Variants in AIG1 observed in about 807,000 individuals in gnomAD.
AIG1 encodes the protein androgen-induced gene 1 protein.
Under a neutral mutation model 31.4 loss-of-function variants are expected in AIG1, and 23 were observed. That is an observed-to-expected ratio of 0.73 (90% confidence interval 0.53 to 1.04). The LOEUF (loss-of-function observed/expected upper bound fraction) is 1.04, where lower values mean the gene tolerates loss of function less well. Ranked by LOEUF, AIG1 falls within the 50% of genes least tolerant of loss-of-function variation. AIG1 has a pLI of 0.00. For synonymous variants in AIG1, 100 were observed against 110.5 expected, an observed-to-expected ratio of 0.90 and a Z score of 0.60; for missense variants, 274 against 295.0, an observed-to-expected ratio of 0.93 and a Z score of 0.52.
chr6:143,070,327 T>A lies in AIG1; in HGVS notation c.141+9261T>A, dbSNP rs543620900. Among the ~76,000 whole-genome samples the A allele has an allele frequency of 4.6e-5, 7 of 152,338 alleles. No homozygotes were observed. The East Asian group carries it at 1.3e-3, about 29-fold the overall frequency. The stretch of plus-strand genomic sequence containing the variant: ...GAACATGACATATCTCTTCATTTAT[T>A]TAGATTTTTAAATTTCTTTCATTGA... On this transcript the variant is annotated intron_variant, in intron 1 of 5. Transcript: ENST00000357847.
intron 3 of AIG1, among the ~76,000 whole-genome samples, chr6:143,167,844 A>G (rs1412704771): frequency 6.6e-6 from 1 of 152,236 alleles, no homozygotes; most frequent in African/African-American, 2.4e-5. Context: ...CCTAATAGTG[A>G]TAAATGACCA....
At chr6:143,261,051 C>T (rs1336655105) in intron 3 of AIG1, among the ~76,000 whole-genome samples, 1 of 152,140 alleles carries the variant, frequency 6.6e-6, no homozygotes, top group Non-Finnish European at 1.5e-5. Context: ...AAGCAAACAG[C>T]CTGGAGATGA....
chr6:143,169,593 C>G (rs190468361), intron 3 of AIG1, among the ~76,000 whole-genome samples: 59 of 152,188 alleles, frequency 3.9e-4, no homozygotes, highest in African/African-American at 1.4e-3. Context: ...CCTCTCCATA[C>G]TCTCCCCTCC....
At chr6:143,312,685 C>A (rs895591024) in intron 4 of AIG1, among the ~76,000 whole-genome samples, 3 of 151,840 alleles carry the variant, frequency 2.0e-5, no homozygotes, top group African/African-American at 7.2e-5. Context: ...GCACAAGCAA[C>A]CAAAGCAAAA....
intron 3 of AIG1, among the ~76,000 whole-genome samples, chr6:143,199,921 T>TGGGG (rs1790555431): frequency 6.6e-6 from 1 of 152,000 alleles, no homozygotes; most frequent in Non-Finnish European, 1.5e-5. Context: ...AAAGGAAGGG[T>TGGGG]AGGCTTTTGA....
At chr6:143,060,524 C>G (rs74381745), upstream of AIG1, 1 of 280,556 alleles carries the variant, frequency 3.6e-6, no homozygotes, top group Non-Finnish European at 8.2e-6. Flanking sequence ...CCCGCTTCCC[C>G]CTGGAGATCA....
chr6:143,307,065 C>G (rs1487242685), intron 4 of AIG1, among the ~76,000 whole-genome samples: 1 of 152,116 alleles, frequency 6.6e-6, no homozygotes. Flanking sequence ...CTCCTTTAAG[C>G]ACTTCTCTGT....
intron 3 of AIG1, among the ~76,000 whole-genome samples, chr6:143,266,302 G>A (rs922053512): frequency 6.9e-6 from 1 of 144,838 alleles, no homozygotes; most frequent in Non-Finnish European, 1.5e-5. Context: ...AGTCGAGATC[G>A]TGCCATTGCA....
intron 2 of AIG1, among the ~76,000 whole-genome samples, chr6:143,143,770 C>T (rs1230338768): frequency 6.6e-6 from 1 of 151,666 alleles, no homozygotes; most frequent in Non-Finnish European, 1.5e-5. Flanking sequence ...TAATCAAATG[C>T]TTGCCCCCTG....
chr6:143,093,486 C>T (rs374642649), intron 1 of AIG1, among the ~76,000 whole-genome samples: 1 of 152,322 alleles, frequency 6.6e-6, no homozygotes, highest in African/African-American at 2.4e-5. Flanking sequence ...CAAACTTTCT[C>T]CGTGTCAGCA....
rs752516493 is a variant in AIG1 at position 143,060,966 on chromosome 6, T to G, written c.41T>G (p.Leu14Arg). Residue 14 changes from leucine (L) to arginine (R), a missense_variant, in exon 1 of 6, where the codon CTG becomes CGG. Coordinates refer to ENST00000357847, the MANE Select transcript of AIG1 (RefSeq NM_016108.4). ...TGCCAGGTGCTGCGGATGGCAATCCTGCTGTCTTACTGCTCTATCCTGTGT... is the reference window on the plus strand; with the variant it reads ...TGCCAGGTGCTGCGGATGGCAATCCGGCTGTCTTACTGCTCTATCCTGTGT... ...VPCQVLRMAI[L>R]LSYCSILCNY... is the part of the protein sequence containing the mutation. The G allele has an allele frequency of 6.2e-7, 1 of 1,612,826 alleles. No homozygotes were observed. The highest frequency in any genetic ancestry group is 1.1e-5 in the South Asian group (1 of 91,074).
intron 4 of AIG1, among the ~76,000 whole-genome samples, chr6:143,323,184 G>C (rs960559412): frequency 6.6e-6 from 1 of 152,172 alleles, no homozygotes; most frequent in Non-Finnish European, 1.5e-5. Context: ...ACGTAGGCGG[G>C]ACCAGTTAAA....
intron 3 of AIG1, among the ~76,000 whole-genome samples, chr6:143,255,705 A>G (rs1037265908): frequency 6.6e-6 from 1 of 152,186 alleles, no homozygotes; most frequent in Non-Finnish European, 1.5e-5. Context: ...ATATGAGAGT[A>G]TATGCCTATA....
At chr6:143,339,410 C>T (rs1211892931) in intron 5 of AIG1, 1 of 405,548 alleles carries the variant, frequency 2.5e-6, no homozygotes, top group Admixed American at 4.4e-5. Flanking sequence ...ATGCTGTGTC[C>T]TGATTCTGTG....
chr6:143,245,525 A>G (rs1794558176), intron 3 of AIG1, among the ~76,000 whole-genome samples: 1 of 152,240 alleles, frequency 6.6e-6, no homozygotes, highest in South Asian at 2.1e-4. Context: ...ATGTCAGTAC[A>G]AAAATCCAAT....
At chr6:143,309,939 A>G (rs1393544606) in intron 4 of AIG1, among the ~76,000 whole-genome samples, 3 of 151,990 alleles carry the variant, frequency 2.0e-5, no homozygotes, top group Non-Finnish European at 4.4e-5. Flanking sequence ...TTAATTCACC[A>G]AGGGGACATA....
rs987071771 is a variant in AIG1, at chr6:143,331,559, A to G, written c.516-1723A>G. On this transcript the variant is annotated intron_variant, in intron 4 of 5. Transcript: ENST00000357847. The surrounding 1 kb of genome is among the most constrained non-coding windows in gnomAD (Gnocchi z 4.1). ...TTTTACTCCTCTTTATGGCTGAGTA[A>G]TATTCCATTGCATGCATATGCCACA... is the stretch of plus-strand genomic sequence containing the variant. 4.6e-5 allele frequency among the ~76,000 whole-genome samples: 7 copies of G among 152,128 alleles called. No individual in the cohort carries two copies. The highest frequency in any genetic ancestry group is 1.4e-4 in the African/African-American group (6 of 41,418).
chr6:143,095,706 C>T (rs940563589), intron 1 of AIG1, among the ~76,000 whole-genome samples: 1 of 152,078 alleles, frequency 6.6e-6, no homozygotes, highest in African/African-American at 2.4e-5. Context: ...GTTTTCAGAA[C>T]ATACTATGCA....
At chr6:143,128,262 T>C (rs1782872814) in intron 1 of AIG1, among the ~76,000 whole-genome samples, 1 of 152,166 alleles carries the variant, frequency 6.6e-6, no homozygotes, top group Non-Finnish European at 1.5e-5. Flanking sequence ...GAATTTAAAA[T>C]CTAACATGAC....
Sources: gnomAD v4.1 joint callset for allele counts (sites outside exome capture counted in the v4.1 genomes callset) on GRCh38, gnomAD v4.1.1 for gene constraint, Gnocchi (gnomAD v3.1) non-coding constraint, MANE v1.5 for transcripts, NCBI Gene and HGNC (gene_info 2026-07-23, HGNC 2026-07-21) for gene names.